The following FHIT variants were observed in gnomAD, a reference collection of about 807,000 sequenced individuals.
FHIT encodes fragile histidine triad diadenosine triphosphatase, also known as bis(5'-adenosyl)-triphosphatase.
Under a neutral mutation model 17.9 loss-of-function variants are expected in FHIT, and 19 were observed. The observed-to-expected ratio is 1.06, with a 90% CI of 0.74 to 1.56. The LOEUF is 1.56. FHIT is among the 40% of genes most tolerant of loss of function. FHIT has a pLI of 0.00. For synonymous variants in FHIT, 81 were observed against 69.7 expected (o/e 1.16, Z -0.81); for missense variants, 248 against 189.2 (o/e 1.31, Z -1.82).
intron 5 of FHIT, among the ~76,000 whole-genome samples, chr3:60,278,603 C>T (rs111332859): frequency 9.1e-4 from 139 of 152,102 alleles, no homozygotes; most frequent in African/African-American, 3.1e-3. Context: ...CTTAGGAAAG[C>T]CCAAAGACAA....
intron 5 of FHIT, among the ~76,000 whole-genome samples, chr3:60,015,888 A>G (rs1700325371): frequency 3.3e-5 from 5 of 152,346 alleles, no homozygotes; most frequent in African/African-American, 9.6e-5. Flanking sequence ...TTGTTTGTCA[A>G]TTTTGCTTGT....
intron 5 of FHIT, among the ~76,000 whole-genome samples, chr3:60,096,751 A>T (rs1222339464): frequency 6.6e-6 from 1 of 152,150 alleles, no homozygotes; most frequent in Non-Finnish European, 1.5e-5. Flanking sequence ...AGAAAAACAA[A>T]CTGCTGGCTA....
intron 4 of FHIT, among the ~76,000 whole-genome samples, chr3:60,632,430 G>A (rs2039469529): frequency 1.3e-5 from 2 of 152,138 alleles, no homozygotes; most frequent in Admixed American, 1.3e-4. Context: ...CATGTCTTTT[G>A]TTTTTGTAGT....
chr3:60,142,073 A>G lies in FHIT; in HGVS notation c.104-127921T>C, dbSNP rs112631452. On this transcript the variant is annotated intron_variant, in intron 5 of 9. Transcript: ENST00000492590. ...TGCATCAAGGACACAAGAAAAGAGA[A>G]AAGAATTACCATCCATTCCTGTTAT... 8.8e-3 allele frequency among the ~76,000 whole-genome samples: 1,346 copies of G among 152,326 alleles called. 21 individuals carry two copies. The highest frequency in any genetic ancestry group is 0.031 in the African/African-American group (1,269 of 41,574).
chr3:59,884,568 C>T (rs1703541304), intron 8 of FHIT, among the ~76,000 whole-genome samples: 1 of 152,158 alleles, frequency 6.6e-6, no homozygotes, highest in African/African-American at 2.4e-5. Flanking sequence ...AAACCATTTC[C>T]TATCTCTAAA....
chr3:60,760,042 TC>T (rs1322842015), intron 4 of FHIT, among the ~76,000 whole-genome samples: 4 of 152,116 alleles, frequency 2.6e-5, no homozygotes, highest in Admixed American at 6.6e-5. Flanking sequence ...TTATTTCTTT[TC>T]TTTATCTCTT....
rs369436188 is a variant in FHIT at position 60,181,870 on chromosome 3, G to C, written c.104-167718C>G. Among the ~76,000 whole-genome samples the C allele has an allele frequency of 3.4e-4, 51 of 152,178 alleles. 1 individual carries two copies. The South Asian group carries it at 0.011, about 32-fold the overall frequency. ...TACATGTCTGACTCCAAAAGAAATG[G>C]AGGTACACCCTCCTATATATATCTC... is the stretch of plus-strand genomic sequence containing the variant. On this transcript the variant is annotated intron_variant, in intron 5 of 9. Transcript: ENST00000492590.
chr3:60,301,713 A>C (rs1432966692), intron 5 of FHIT, among the ~76,000 whole-genome samples: 1 of 152,202 alleles, frequency 6.6e-6, no homozygotes, highest in Non-Finnish European at 1.5e-5. Flanking sequence ...ATAAGTGATT[A>C]GGATAAACAT....
At chr3:61,151,816 A>G (rs1302942813) in intron 2 of FHIT, among the ~76,000 whole-genome samples, 1 of 151,976 alleles carries the variant, frequency 6.6e-6, no homozygotes, top group African/African-American at 2.4e-5. Context: ...GTGAGGAGAA[A>G]ATAAAACCCG....
At chr3:60,890,293 A>T (rs1405684845) in intron 3 of FHIT, among the ~76,000 whole-genome samples, 1 of 150,462 alleles carries the variant, frequency 6.6e-6, no homozygotes, top group Non-Finnish European at 1.5e-5. Flanking sequence ...GAAGAGACTG[A>T]GGTCATGTGC....
chr3:61,162,549 C>G (rs916339114), intron 2 of FHIT, among the ~76,000 whole-genome samples: 1 of 152,170 alleles, frequency 6.6e-6, no homozygotes, highest in African/African-American at 2.4e-5. Flanking sequence ...AAAACCAAAT[C>G]CAACTAGCTC....
At position 61,247,136 on chromosome 3, in the gene FHIT, C is replaced by T. The variant is rs114921415; in HGVS notation, c.-213+4165G>A. ...ACCAGAGCAGATGCAGTGCCTGGAA[C>T]AGAGCTAGGAGCAAGATAAATGTGC... On this transcript the variant is annotated intron_variant, in intron 1 of 9. Coordinates refer to ENST00000492590, the MANE Select transcript of FHIT (RefSeq NM_002012.4). Among the ~76,000 whole-genome samples, 794 of 152,182 alleles carry T rather than the reference C, an allele frequency of 5.2e-3. 6 individuals are homozygous for T. Among genetic ancestry groups the T allele is most frequent in the Non-Finnish European group, 8.1e-3 (550 of 68,016 alleles).
At chr3:60,844,873 T>C (rs2594129) in intron 3 of FHIT, among the ~76,000 whole-genome samples, 1 of 151,936 alleles carries the variant, frequency 6.6e-6, no homozygotes, top group Non-Finnish European at 1.5e-5. Context: ...CTTATTATTC[T>C]TGGTCCCCTA....
intron 5 of FHIT, among the ~76,000 whole-genome samples, chr3:60,234,386 T>C (rs932943973): frequency 6.6e-6 from 1 of 152,216 alleles, no homozygotes; most frequent in Admixed American, 6.5e-5. Flanking sequence ...AATTAATACC[T>C]GTGAGTTTTC....
At chr3:60,205,828 G>T (rs183862552) in intron 5 of FHIT, among the ~76,000 whole-genome samples, 2 of 151,814 alleles carry the variant, frequency 1.3e-5, no homozygotes, top group Admixed American at 1.3e-4. Context: ...AACACTTAAG[G>T]CTGGGCGCGG....
intron 5 of FHIT, among the ~76,000 whole-genome samples, chr3:60,161,609 T>C (rs1700944151): frequency 6.6e-6 from 1 of 151,984 alleles, no homozygotes; most frequent in East Asian, 1.9e-4. Flanking sequence ...ATAGGACGCT[T>C]GCCAGGAACA....
intron 3 of FHIT, among the ~76,000 whole-genome samples, chr3:60,867,699 A>G (rs1704226234): frequency 6.6e-6 from 1 of 152,116 alleles, no homozygotes; most frequent in Non-Finnish European, 1.5e-5. Context: ...CAAAGAAAAA[A>G]CTATGTTTAA....
chr3:60,371,039 A>G (rs1700305969), intron 5 of FHIT, among the ~76,000 whole-genome samples: 1 of 152,218 alleles, frequency 6.6e-6, no homozygotes, highest in African/African-American at 2.4e-5. Context: ...CGTTTGCACA[A>G]GGCAAACCAT....
At chr3:60,022,677 T>C (rs1700596384) in intron 5 of FHIT, among the ~76,000 whole-genome samples, 1 of 152,178 alleles carries the variant, frequency 6.6e-6, no homozygotes, top group Non-Finnish European at 1.5e-5. Flanking sequence ...TACAGCAGCA[T>C]GTTGAAGAGG....
Sources: gnomAD v4.1 joint callset for allele counts (sites outside exome capture counted in the v4.1 genomes callset) on GRCh38, gnomAD v4.1.1 for gene constraint, MANE v1.5 for transcripts, NCBI Gene and HGNC (gene_info 2026-07-23, HGNC 2026-07-21) for gene names.